The following ALS2 variants were observed in gnomAD, a reference collection of about 807,000 sequenced individuals.
The protein encoded by ALS2 is alsin.
A neutral mutation model predicts 203.4 loss-of-function variants in ALS2; 117 were observed. The ratio of observed to expected loss-of-function variants is 0.58; its 90% CI spans 0.50 to 0.67. The LOEUF is 0.67. ALS2 is among the 30% of genes least tolerant of loss of function. ALS2 has a pLI of 0.00. For synonymous variants in ALS2, 718 were observed against 725.9 expected (o/e 0.99, Z 0.17); for missense variants, 1,715 against 1,989.4 (o/e 0.86, Z 2.62).
intron 25 of ALS2, 126 bp downstream of exon 25, chr2:201,715,546 C>A: frequency 8.5e-7 from 1 of 1,174,188 alleles, no homozygotes; most frequent in East Asian, 2.5e-5. Context: ...GTTTTAATCT[C>A]TCTTACTCAG....
chr2:201,730,804 C>G lies in ALS2; in HGVS notation c.2581-1621G>C, dbSNP rs556638348. Among the ~76,000 whole-genome samples, 9 of 152,340 alleles carry G rather than the reference C, an allele frequency of 5.9e-5. 1 individual carries two copies. The highest frequency in any genetic ancestry group is 2.2e-4 in the African/African-American group (9 of 41,592). On this transcript the variant is annotated intron_variant, in intron 13 of 33. Coordinates refer to ENST00000264276, the MANE Select transcript of ALS2 (RefSeq NM_020919.4). ...ATTCTTAAGCGAAATTGTATTTTAA[C>G]TGCAACTGCATGGCAGTGAAGAACG...
At chr2:201,764,901 A>C (rs1014564306) in intron 3 of ALS2, among the ~76,000 whole-genome samples, 3 of 152,164 alleles carry the variant, frequency 2.0e-5, no homozygotes, top group Non-Finnish European at 4.4e-5. Context: ...AAACATGAAT[A>C]ACGATAGGCT....
intron 33 of ALS2, among the ~76,000 whole-genome samples, chr2:201,703,312 G>C (rs1308090646): frequency 2.0e-5 from 3 of 151,912 alleles, no homozygotes; most frequent in Non-Finnish European, 2.9e-5. Context: ...CTGCTAATAA[G>C]CTATCCAATA....
intron 1 of ALS2, among the ~76,000 whole-genome samples, chr2:201,769,661 T>G (rs188918045): frequency 2.6e-5 from 4 of 152,126 alleles, no homozygotes; most frequent in Non-Finnish European, 5.9e-5. Flanking sequence ...AAATAAGAGA[T>G]AGAAAAATAA....
chr2:201,778,043 A>C (rs1219651531), intron 1 of ALS2, among the ~76,000 whole-genome samples: 1 of 152,078 alleles, frequency 6.6e-6, no homozygotes, highest in Non-Finnish European at 1.5e-5. Flanking sequence ...AATTGCCCCA[A>C]GTTTAGTTAA....
intron 16 of ALS2, 26 bp downstream of exon 16, chr2:201,727,679 G>A (rs917604484): frequency 3.2e-6 from 5 of 1,543,904 alleles, no homozygotes; most frequent in Non-Finnish European, 4.4e-6. Flanking sequence ...TGGACGGGGT[G>A]GGGTGGGGAG....
chr2:201,718,127 G>T lies in ALS2; in HGVS notation c.3786C>A (p.Thr1262=). The T allele has an allele frequency of 6.2e-7, 1 of 1,613,638 alleles. No individual in the cohort carries two copies. The highest frequency in any genetic ancestry group is 8.5e-7 in the Non-Finnish European group (1 of 1,179,664). Residue 1262 remains threonine, a synonymous_variant, in exon 24 of 34, where the codon ACC becomes ACA. Transcript: ENST00000264276. The part of the protein sequence containing the change: ...EWGSGIKITG[T]YFKPSLYESD... ...TCTCATATAGACTAGGTTTGAAGTA[G>T]GTTCCAGTGATTTTTATCCCAGATC... is the stretch of plus-strand genomic sequence containing the variant.
chr2:201,761,934 A>G (rs1216579143), intron 3 of ALS2, 116 bp from the exon 4 acceptor site: 13 of 1,181,644 alleles, frequency 1.1e-5, no homozygotes, highest in Admixed American at 2.4e-5. Context: ...TTCTTTTTAA[A>G]TTTTCAAAAG....
At chr2:201,724,568 A>C (rs544773691) in intron 20 of ALS2, 109 bp from the exon 21 acceptor site, 10 of 1,131,702 alleles carry the variant, frequency 8.8e-6, no homozygotes, top group Non-Finnish European at 1.3e-5. Context: ...GGTAGCTATA[A>C]TTATTTGTTT....
intron 27 of ALS2, 76 bp from the exon 28 acceptor site, chr2:201,708,067 TA>T: frequency 2.2e-6 from 3 of 1,392,272 alleles, no homozygotes; most frequent in Non-Finnish European, 3.0e-6. Context: ...ACATTTCCAT[TA>T]GTTATGAGAG....
intron 1 of ALS2, among the ~76,000 whole-genome samples, chr2:201,771,960 C>T (rs1160664527): frequency 6.6e-6 from 1 of 152,206 alleles, no homozygotes; most frequent in Non-Finnish European, 1.5e-5. Context: ...TCTTACCTTG[C>T]ATGGCCTCTC....
intron 29 of ALS2, 121 bp downstream of exon 29, chr2:201,706,725 A>G (rs2105967173): frequency 1.0e-6 from 1 of 984,088 alleles, no homozygotes; most frequent in Non-Finnish European, 1.5e-6. Context: ...TAAAGAAGAC[A>G]TATGCAAAAA....
chr2:201,721,159 G>C (rs1690771148), intron 23 of ALS2, among the ~76,000 whole-genome samples: 1 of 152,154 alleles, frequency 6.6e-6, no homozygotes, highest in Non-Finnish European at 1.5e-5. Context: ...ATTGCCAAGA[G>C]AAATTAAAGA....
At chr2:201,740,534 AG>A in intron 11 of ALS2, among the ~76,000 whole-genome samples, 1 of 99,316 alleles carries the variant, frequency 1.0e-5, no homozygotes, top group Non-Finnish European at 2.8e-5. Flanking sequence ...CTGGAATCAC[AG>A]AAACAACAAA....
intron 1 of ALS2, among the ~76,000 whole-genome samples, chr2:201,771,042 A>ATTTT (rs34578117): frequency 9.6e-6 from 1 of 104,406 alleles, no homozygotes; most frequent in South Asian, 3.0e-4. Context: ...GTATTTACAG[A>ATTTT]TTTTTTTTTT....
chr2:201,726,381 A>G (rs1691164633), intron 19 of ALS2, 103 bp downstream of exon 19: 5 of 1,089,390 alleles, frequency 4.6e-6, no homozygotes, highest in Non-Finnish European at 7.0e-6. Context: ...AATAACAACA[A>G]AAATCTACTA....
rs186788054 is a variant in ALS2 at position 201,758,456 on chromosome 2, T to C, written c.1114-697A>G. 2.0e-3 allele frequency among the ~76,000 whole-genome samples: 311 copies of C among 152,280 alleles called. 5 individuals carry two copies. Among genetic ancestry groups the C allele is most frequent in the African/African-American group, 7.3e-3 (302 of 41,564 alleles). On this transcript the variant is annotated intron_variant, in intron 4 of 33. Transcript: ENST00000264276. The stretch of plus-strand genomic sequence containing the variant: ...GATGGCAAATGTGGTAGGTTAATAA[T>C]TAAACATTTGGAACCAGTGTTCTTA...
Position 201,704,191 on chromosome 2 carries a change from G to T in ALS2, c.4866C>A (p.His1622Gln). 1 of 1,614,106 alleles carries T rather than the reference G, an allele frequency of 6.2e-7. No homozygotes were observed. The highest frequency in any genetic ancestry group is 2.2e-5 in the East Asian group (1 of 44,878). Residue 1622 changes from histidine (H) to glutamine (Q), a missense_variant, in exon 33 of 34, where the codon CAC becomes CAA. His to Gln is a conservative substitution (Grantham distance 24, BLOSUM62 0). Coordinates refer to ENST00000264276, the MANE Select transcript of ALS2 (RefSeq NM_020919.4). ...AGGGGTCCATTAGATCCTCAATGAG[G>T]TGTACCTCAGAGCCTAAATTCCTAA... ...ARIRNLGSEV[H>Q]LIEDLMDPYL...
intron 28 of ALS2, 117 bp from the exon 29 acceptor site, chr2:201,707,139 A>G (rs2105967969): frequency 1.1e-6 from 1 of 896,018 alleles, no homozygotes; most frequent in East Asian, 2.6e-5. Flanking sequence ...GTTTTAAAGA[A>G]GTTATAATAT....
Sources: allele counts gnomAD v4.1 joint callset (sites outside exome capture counted in the v4.1 genomes callset), GRCh38; gene constraint gnomAD v4.1.1; transcripts MANE v1.5; gene names NCBI Gene and HGNC (gene_info 2026-07-23, HGNC 2026-07-21).